Variants in DYNC1I2 observed in about 807,000 individuals in gnomAD.
DYNC1I2 encodes the protein dynein cytoplasmic 1 intermediate chain 2.
DYNC1I2 carries 53 observed loss-of-function variants against 88.6 expected under a neutral mutation model. That is an observed-to-expected ratio of 0.60 (90% confidence interval 0.48 to 0.75). DYNC1I2 has a LOEUF of 0.75. DYNC1I2 is among the 30% of genes least tolerant of loss of function. The probability of loss-of-function intolerance (pLI) is 0.00; values close to 1 mark genes in which losing one functional copy is unlikely to be tolerated. For synonymous variants in DYNC1I2, 198 were observed against 254.6 expected (o/e 0.78, Z 2.12); for missense variants, 458 against 766.6 (o/e 0.60, Z 4.75).
chr2:171,702,763 T>C (rs1686365857), intron 3 of DYNC1I2, among the ~76,000 whole-genome samples: 1 of 152,008 alleles, frequency 6.6e-6, no homozygotes, highest in Admixed American at 6.6e-5. Flanking sequence ...CACTCTGTTG[T>C]TCAGGTTGGA....
At position 171,741,644 on chromosome 2, in the gene DYNC1I2, T is replaced by C. The variant is rs190056084; in HGVS notation, c.1537-2405T>C. On this transcript the variant is annotated intron_variant, in intron 15 of 17. Transcript: ENST00000397119. ...AGGTTCTCTTTTCACTTTCTTGATA[T>C]CATTTGAAGCCCAAAAGTATTTAAT... 1.5e-3 allele frequency among the ~76,000 whole-genome samples: 233 copies of C among 152,338 alleles called. 1 individual carries two copies. Among genetic ancestry groups the C allele is most frequent in the Non-Finnish European group, 2.9e-3 (195 of 68,036 alleles).
At position 171,726,187 on chromosome 2, in the gene DYNC1I2, T is replaced by A; in HGVS notation, c.771-7T>A. On this transcript the variant is annotated splice_polypyrimidine_tract_variant and splice_region_variant and intron_variant, in intron 9 of 17. Transcript: ENST00000397119. ...ATCTTTTTGGGGGGTTTGGTCTTTT[T>A]TTGTAGAGAGATTCAAGCAGGTGCT... 6.2e-7 allele frequency: 1 copy of A among 1,604,358 alleles called. No homozygotes were observed. Among genetic ancestry groups the A allele is most frequent in the Non-Finnish European group, 8.5e-7 (1 of 1,176,574 alleles).
intron 3 of DYNC1I2, among the ~76,000 whole-genome samples, chr2:171,704,426 T>G (rs1455500617): frequency 6.6e-6 from 1 of 151,896 alleles, no homozygotes; most frequent in East Asian, 1.9e-4. Context: ...CTGAAATTCA[T>G]TAACATATTC....
intron 3 of DYNC1I2, among the ~76,000 whole-genome samples, chr2:171,697,186 G>GT (rs1685835224): frequency 6.6e-6 from 1 of 151,360 alleles, no homozygotes; most frequent in South Asian, 2.1e-4. Context: ...TTTTGTTTTT[G>GT]TTTTTGTTTT....
intron 2 of DYNC1I2, among the ~76,000 whole-genome samples, chr2:171,692,429 C>A (rs921963020): frequency 2.6e-5 from 4 of 152,004 alleles, no homozygotes; most frequent in Admixed American, 2.6e-4. Flanking sequence ...ACCTTTTGTG[C>A]CACTTGGGGG....
At chr2:171,688,887 A>C (rs143245653) in intron 1 of DYNC1I2, among the ~76,000 whole-genome samples, 19 of 152,184 alleles carry the variant, frequency 1.2e-4, no homozygotes, top group African/African-American at 4.1e-4. Flanking sequence ...GATCTAAAGC[A>C]TTTAATACTT....
chr2:171,705,023 A>AC (rs1157242004), intron 3 of DYNC1I2, among the ~76,000 whole-genome samples: 1 of 152,058 alleles, frequency 6.6e-6, no homozygotes, highest in Non-Finnish European at 1.5e-5. Flanking sequence ...TTTGGCTTGA[A>AC]CCTATATTTG....
chr2:171,697,093 C>T (rs1685826345), intron 3 of DYNC1I2, among the ~76,000 whole-genome samples: 1 of 152,104 alleles, frequency 6.6e-6, no homozygotes, highest in Non-Finnish European at 1.5e-5. Context: ...CTCAACCTCC[C>T]AGGCTCAAGC....
intron 3 of DYNC1I2, among the ~76,000 whole-genome samples, chr2:171,705,370 G>A (rs1686600318): frequency 6.6e-6 from 1 of 152,026 alleles, no homozygotes; most frequent in Admixed American, 6.5e-5. Flanking sequence ...AAAGAATTCT[G>A]TAGTTCATCA....
chr2:171,697,359 C>T (rs1449495357), intron 3 of DYNC1I2, among the ~76,000 whole-genome samples: 2 of 152,212 alleles, frequency 1.3e-5, no homozygotes, highest in African/African-American at 2.4e-5. Flanking sequence ...CACACACATA[C>T]TACTTTTTGC....
At chr2:171,710,294 G>C (rs1233466298) in intron 5 of DYNC1I2, among the ~76,000 whole-genome samples, 2 of 151,894 alleles carry the variant, frequency 1.3e-5, no homozygotes, top group Non-Finnish European at 2.9e-5. Context: ...AGAGTGCCCA[G>C]GTCTCAGAAT....
intron 3 of DYNC1I2, among the ~76,000 whole-genome samples, chr2:171,696,734 C>T (rs1416656154): frequency 2.0e-5 from 3 of 152,048 alleles, no homozygotes; most frequent in African/African-American, 7.2e-5. Flanking sequence ...ACAGTAAATT[C>T]CCATATATTT....
intron 17 of DYNC1I2, among the ~76,000 whole-genome samples, chr2:171,747,426 A>G (rs1689874172): frequency 6.6e-6 from 1 of 151,996 alleles, no homozygotes; most frequent in Non-Finnish European, 1.5e-5. Context: ...GTTTCTTACT[A>G]GGAATTTTGC....
intron 7 of DYNC1I2, among the ~76,000 whole-genome samples, chr2:171,717,348 C>G (rs1397035845): frequency 6.6e-6 from 1 of 152,048 alleles, no homozygotes; most frequent in Non-Finnish European, 1.5e-5. Context: ...CTCTTGACCT[C>G]AGGTGATCCA....
chr2:171,715,501 C>G, intron 7 of DYNC1I2, 58 bp downstream of exon 7: 1 of 1,079,048 alleles, frequency 9.3e-7, no homozygotes, highest in Non-Finnish European at 1.3e-6. Flanking sequence ...TACATAGATT[C>G]TTTTTTTCTT....
At chr2:171,699,435 T>C (rs1686038732) in intron 3 of DYNC1I2, among the ~76,000 whole-genome samples, 1 of 152,250 alleles carries the variant, frequency 6.6e-6, no homozygotes, top group African/African-American at 2.4e-5. Flanking sequence ...GTTATGGTTT[T>C]AAAATAAATT....
intron 6 of DYNC1I2, among the ~76,000 whole-genome samples, chr2:171,713,928 C>T (rs891582699): frequency 2.6e-5 from 4 of 152,142 alleles, no homozygotes; most frequent in African/African-American, 9.7e-5. Context: ...CTTCCCTACC[C>T]ACCTCCTCCT....
At chr2:171,688,885 G>A (rs1021063719) in intron 1 of DYNC1I2, among the ~76,000 whole-genome samples, 1 of 151,970 alleles carries the variant, frequency 6.6e-6, no homozygotes, top group African/African-American at 2.4e-5. Flanking sequence ...TTGATCTAAA[G>A]CATTTAATAC....
Position 171,749,534 on chromosome 2 carries a change from A to G in DYNC1I2, c.*1645A>G, listed in dbSNP as rs1433630464. 6.6e-6 allele frequency among the ~76,000 whole-genome samples: 1 copy of G among 152,156 alleles called. No individual in the cohort carries two copies. Among genetic ancestry groups the G allele is most frequent in the Non-Finnish European group, 1.5e-5 (1 of 67,994 alleles). On this transcript the variant is annotated 3_prime_UTR_variant, in exon 18 of 18. Coordinates refer to ENST00000397119, the MANE Select transcript of DYNC1I2 (RefSeq NM_001378.3). The stretch of plus-strand genomic sequence containing the variant: ...AAATTCATGTACTCACTACTCATGT[A>G]GTTACTGTATCTTTACCTTCAGTTT...
Sources: allele counts gnomAD v4.1 joint callset (sites outside exome capture counted in the v4.1 genomes callset), GRCh38; gene constraint gnomAD v4.1.1; transcripts MANE v1.5; gene names NCBI Gene and HGNC (gene_info 2026-07-23, HGNC 2026-07-21).